NEK11: variants seen among roughly 807,000 people sequenced by gnomAD.
NEK11 encodes the protein serine/threonine-protein kinase Nek11.
A neutral mutation model predicts 80.7 loss-of-function variants in NEK11; 72 were observed. The ratio of observed to expected loss-of-function variants is 0.89; its 90% CI spans 0.74 to 1.08. The LOEUF (loss-of-function observed/expected upper bound fraction) is 1.08. Ranked by LOEUF, NEK11 falls within the 50% of genes least tolerant of loss-of-function variation. The pLI is 0.00. For synonymous variants in NEK11, 251 were observed against 260.7 expected, an observed-to-expected ratio of 0.96 and a Z score of 0.36; for missense variants, 764 against 763.6, an observed-to-expected ratio of 1.00 and a Z score of -0.01.
chr3:131,343,000 T>C (rs746007348), intron 17 of NEK11, among the ~76,000 whole-genome samples: 1 of 152,056 alleles, frequency 6.6e-6, no homozygotes, highest in Non-Finnish European at 1.5e-5. Flanking sequence ...TGAGAGTAGT[T>C]TCAGGGAAAA....
chr3:131,126,591 T>G (rs2083381732), intron 5 of NEK11, among the ~76,000 whole-genome samples: 1 of 152,240 alleles, frequency 6.6e-6, no homozygotes, highest in African/African-American at 2.4e-5. Context: ...GACATTCTTA[T>G]TAAGGTAATG....
intron 14 of NEK11, among the ~76,000 whole-genome samples, chr3:131,215,560 A>G (rs903958696): frequency 6.6e-6 from 1 of 152,116 alleles, no homozygotes; most frequent in African/African-American, 2.4e-5. Flanking sequence ...CTGTGCATGT[A>G]GATATGGTGT....
intron 9 of NEK11, among the ~76,000 whole-genome samples, chr3:131,153,285 T>G (rs2149819325): frequency 1.3e-5 from 2 of 152,292 alleles, no homozygotes; most frequent in South Asian, 4.1e-4. Flanking sequence ...TGTAACTATA[T>G]CCCTGCAAGG....
intron 10 of NEK11, 24 bp downstream of exon 10, chr3:131,155,145 A>T: frequency 6.9e-7 from 1 of 1,443,778 alleles, no homozygotes; most frequent in Non-Finnish European, 9.8e-7. Context: ...TTGTTTTTAA[A>T]AAGCCCATCG....
rs1377055290 is a variant in NEK11, at chr3:131,249,027, G to GA, written c.1621+5534dup. The stretch of plus-strand genomic sequence containing the variant: ...GCTGGGTGTTTTTTTTTTCCTTAAA[G>GA]AAATGAGCATTAGAATCATGGAGTA... On this transcript the variant is annotated intron_variant, in intron 16 of 17. Coordinates refer to ENST00000383366, the MANE Select transcript of NEK11 (RefSeq NM_024800.5). Among the ~76,000 whole-genome samples, 3 of 149,938 alleles carry GA rather than the reference G, an allele frequency of 2.0e-5. No homozygotes were observed. The East Asian group carries it at 5.9e-4, about 29-fold the overall frequency.
intron 3 of NEK11, among the ~76,000 whole-genome samples, chr3:131,077,343 C>G (rs959673352): frequency 6.6e-6 from 1 of 152,098 alleles, no homozygotes; most frequent in Non-Finnish European, 1.5e-5. Flanking sequence ...ATGAGAGTTT[C>G]CTCTGTCAGC....
chr3:131,236,553 T>C (rs956624040), intron 15 of NEK11, among the ~76,000 whole-genome samples: 14 of 152,072 alleles, frequency 9.2e-5, no homozygotes, highest in African/African-American at 3.1e-4. Context: ...TAATGCAGAG[T>C]AAACAAGGCA....
intron 17 of NEK11, among the ~76,000 whole-genome samples, chr3:131,332,180 C>A (rs550555914): frequency 6.6e-6 from 1 of 152,192 alleles, no homozygotes; most frequent in South Asian, 2.1e-4. Context: ...GGTCCCAGAC[C>A]CCTGACCCCT....
At chr3:131,182,749 C>T (rs1302188931) in intron 14 of NEK11, among the ~76,000 whole-genome samples, 2 of 152,070 alleles carry the variant, frequency 1.3e-5, no homozygotes, top group African/African-American at 2.4e-5. Context: ...CATGCATTGG[C>T]GCCTGGGCAT....
Position 131,103,665 on chromosome 3 carries a change from T to C in NEK11, c.337-6138T>C, listed in dbSNP as rs1214250094. Reference sequence around the variant, plus strand: ...CTGTACCTGCATTTCTTTTGTTAGATGTTTGGGCTGCAGGGTTCCCTCAGT... The same window carrying C: ...CTGTACCTGCATTTCTTTTGTTAGACGTTTGGGCTGCAGGGTTCCCTCAGT... On this transcript the variant is annotated intron_variant, in intron 4 of 17. Coordinates refer to ENST00000383366, the MANE Select transcript of NEK11 (RefSeq NM_024800.5). Among the ~76,000 whole-genome samples, 3 of 152,110 alleles carry C rather than the reference T, an allele frequency of 2.0e-5. No individual in the cohort carries two copies. The East Asian group carries it at 5.8e-4, about 29-fold the overall frequency.
intron 10 of NEK11, among the ~76,000 whole-genome samples, chr3:131,160,449 G>A (rs1169702341): frequency 6.6e-6 from 1 of 152,012 alleles, no homozygotes; most frequent in African/African-American, 2.4e-5. Context: ...AGAAAGGAAA[G>A]ACCATTACCA....
At chr3:131,087,977 T>G (rs1311330392) in intron 4 of NEK11, 1 of 152,292 alleles carries the variant, frequency 6.6e-6, no homozygotes, top group Non-Finnish European at 1.5e-5. Flanking sequence ...TCCTTCCTAC[T>G]GTGAACTCAA....
At chr3:131,126,821 A>G (rs1272240112) in intron 5 of NEK11, among the ~76,000 whole-genome samples, 1 of 152,078 alleles carries the variant, frequency 6.6e-6, no homozygotes, top group Admixed American at 6.6e-5. Flanking sequence ...TTAAAGATGT[A>G]TGTTAGACCA....
chr3:131,137,290 G>C (rs2085789697), intron 7 of NEK11, among the ~76,000 whole-genome samples: 1 of 152,180 alleles, frequency 6.6e-6, no homozygotes, highest in Non-Finnish European at 1.5e-5. Context: ...TGACCTGCCA[G>C]GACCAAGAAA....
intron 14 of NEK11, among the ~76,000 whole-genome samples, chr3:131,223,248 G>T (rs1040419368): frequency 7.2e-5 from 11 of 151,956 alleles, no homozygotes; most frequent in Non-Finnish European, 8.8e-5. Context: ...CGTTTTTTTT[G>T]ACTTTTCCCT....
chr3:131,236,172 C>G (rs796118708), intron 15 of NEK11, among the ~76,000 whole-genome samples: 55 of 152,204 alleles, frequency 3.6e-4, no homozygotes, highest in African/African-American at 1.3e-3. Flanking sequence ...CTTCTCTAGG[C>G]TATTGTATGT....
chr3:131,154,693 G>A (rs959566539), intron 9 of NEK11, among the ~76,000 whole-genome samples: 2 of 152,124 alleles, frequency 1.3e-5, no homozygotes, highest in Non-Finnish European at 2.9e-5. Flanking sequence ...ACCTTGCACT[G>A]GCCCTGGGAG....
chr3:131,119,561 A>G (rs1560497737), intron 5 of NEK11, among the ~76,000 whole-genome samples: 1 of 152,092 alleles, frequency 6.6e-6, no homozygotes, highest in African/African-American at 2.4e-5. Context: ...CCTAATGTTG[A>G]CAGTGGGATG....
intron 4 of NEK11, among the ~76,000 whole-genome samples, chr3:131,090,726 A>G (rs947627872): frequency 1.3e-5 from 2 of 152,208 alleles, no homozygotes; most frequent in African/African-American, 4.8e-5. Context: ...TGACTTGTCT[A>G]TCATAATTAA....
Sources: allele counts gnomAD v4.1 joint callset (sites outside exome capture counted in the v4.1 genomes callset), GRCh38; gene constraint gnomAD v4.1.1; transcripts MANE v1.5; gene names NCBI Gene and HGNC (gene_info 2026-07-23, HGNC 2026-07-21).